RNF130: variants seen among roughly 807,000 people sequenced by gnomAD.
RNF130 encodes the protein E3 ubiquitin-protein ligase RNF130.
In RNF130, 21 loss-of-function variants were observed where a neutral mutation model predicts 44.6. That is an observed-to-expected ratio of 0.47 (90% CI 0.33 to 0.68). The LOEUF is 0.68. RNF130 is among the 30% of genes least tolerant of loss of function. The probability of loss-of-function intolerance (pLI) is 0.02; values close to 1 mark genes in which losing one functional copy is unlikely to be tolerated. For missense variants in RNF130, 479 were observed against 560.6 expected, an observed-to-expected ratio of 0.85 and a Z score of 1.47; for synonymous variants, 214 against 210.4, an observed-to-expected ratio of 1.02 and a Z score of -0.15.
At chr5:179,953,240 T>C (rs1762153546), downstream of RNF130, among the ~76,000 whole-genome samples, 1 of 151,828 alleles carries the variant, frequency 6.6e-6, no homozygotes, top group African/African-American at 2.4e-5. Context: ...GAAGACAATA[T>C]TGTTGAGACA....
intron 1 of RNF130, among the ~76,000 whole-genome samples, chr5:180,060,840 TG>T (rs1764963170): frequency 6.6e-6 from 1 of 151,850 alleles, no homozygotes; most frequent in African/African-American, 2.4e-5. Context: ...GAGGCCGAGG[TG>T]GGCGGATCAC....
intron 3 of RNF130, among the ~76,000 whole-genome samples, chr5:180,003,542 T>C (rs1763395480): frequency 6.6e-6 from 1 of 152,240 alleles, no homozygotes; most frequent in African/African-American, 2.4e-5. Flanking sequence ...TCAGTATTAC[T>C]ACCTTCTTCT....
chr5:179,972,446 T>C (rs1266515776), intron 5 of RNF130, among the ~76,000 whole-genome samples: 1 of 152,188 alleles, frequency 6.6e-6, no homozygotes, highest in Non-Finnish European at 1.5e-5. Context: ...CTTGGCTGAC[T>C]GACAGGTAAT....
intron 7 of RNF130, among the ~76,000 whole-genome samples, chr5:179,924,653 G>T (rs1733478755): frequency 6.6e-6 from 1 of 152,120 alleles, no homozygotes. Context: ...GCCAGGCATG[G>T]TGGCGGGTGC....
intron 1 of RNF130, among the ~76,000 whole-genome samples, chr5:180,058,579 G>A (rs1269583579): frequency 6.6e-6 from 1 of 152,056 alleles, no homozygotes; most frequent in Non-Finnish European, 1.5e-5. Flanking sequence ...TTTTTGAGAT[G>A]GAGTCTTGCT....
intron 1 of RNF130, among the ~76,000 whole-genome samples, chr5:180,046,915 A>G (rs181278492): frequency 6.6e-6 from 1 of 152,350 alleles, no homozygotes; most frequent in East Asian, 1.9e-4. Flanking sequence ...TGTCTGGCAC[A>G]TAGATGTTTA....
chr5:179,940,323 C>T (rs993153756), intron 7 of RNF130, among the ~76,000 whole-genome samples: 1 of 151,822 alleles, frequency 6.6e-6, no homozygotes, highest in East Asian at 1.9e-4. Context: ...CAGGTTCAAG[C>T]GGTTCTCCTG....
intron 8 of RNF130, chr5:179,955,945 T>C (rs1282550031): frequency 2.9e-6 from 1 of 347,272 alleles, no homozygotes; most frequent in African/African-American, 2.1e-5. Flanking sequence ...ACAGGGACAA[T>C]TATCATACAA....
At chr5:179,964,653 C>T (rs551785022) in intron 7 of RNF130, among the ~76,000 whole-genome samples, 2 of 152,338 alleles carry the variant, frequency 1.3e-5, no homozygotes, top group South Asian at 2.1e-4. Flanking sequence ...TGTGCATAGG[C>T]ATTTTTCTAG....
intron 3 of RNF130, among the ~76,000 whole-genome samples, chr5:180,007,988 G>GTT (rs371751598): frequency 0.2 from 26,264 of 129,776 alleles, 2,956 homozygotes; most frequent in Non-Finnish European, 0.21. Context: ...AAATCTTTTA[G>GTT]TTTTTTTTTT....
intron 3 of RNF130, chr5:179,980,473 A>G (rs1016053195): frequency 2.3e-5 from 9 of 389,774 alleles, no homozygotes; most frequent in Non-Finnish European, 4.3e-5. Context: ...GTTAGGTGTC[A>G]TAATTGCTGC....
At position 180,048,301 on chromosome 5, in the gene RNF130, G is replaced by A. The variant is rs1006128700; in HGVS notation, c.248-7654C>T. Among the ~76,000 whole-genome samples, 6 of 152,164 alleles carry A rather than the reference G, an allele frequency of 3.9e-5. No individual in the cohort carries two copies. In the East Asian group the frequency reaches 5.8e-4, roughly 15 times the overall value. ...GAAGGGAGTCTGTAGTCCGGTTTACGGCAAATCACTCTGTATCTAATTTGT... is the reference window on the plus strand; with the variant it reads ...GAAGGGAGTCTGTAGTCCGGTTTACAGCAAATCACTCTGTATCTAATTTGT... On this transcript the variant is annotated intron_variant, in intron 1 of 8. Transcript: ENST00000521389.
At chr5:179,929,871 T>C (rs1761780295) in intron 7 of RNF130, among the ~76,000 whole-genome samples, 1 of 152,172 alleles carries the variant, frequency 6.6e-6, no homozygotes, top group Non-Finnish European at 1.5e-5. Flanking sequence ...AACACCTCCA[T>C]AGTATCGTGT....
At chr5:179,962,315 T>C (rs1042873350) in intron 8 of RNF130, among the ~76,000 whole-genome samples, 1 of 152,206 alleles carries the variant, frequency 6.6e-6, no homozygotes, top group Non-Finnish European at 1.5e-5. Context: ...TTAGATTGAA[T>C]AACACATGCC....
intron 2 of RNF130, among the ~76,000 whole-genome samples, chr5:180,036,846 A>ACTC (rs1456692153): frequency 6.0e-4 from 4 of 6,662 alleles, no homozygotes; most frequent in African/African-American, 2.5e-3. Flanking sequence ...CACTCAGCTT[A>ACTC]AGAAATAAAA....
chr5:179,991,816 T>C (rs1382742906), intron 3 of RNF130, among the ~76,000 whole-genome samples: 1 of 152,142 alleles, frequency 6.6e-6, no homozygotes, highest in Admixed American at 6.5e-5. Flanking sequence ...GTAGAATCAG[T>C]AGGAGCCCTG....
chr5:180,012,988 A>G, intron 3 of RNF130, 73 bp downstream of exon 3: 2 of 1,490,424 alleles, frequency 1.3e-6, no homozygotes, highest in Non-Finnish European at 1.8e-6. Flanking sequence ...CATGTTAGTA[A>G]GATGCATGGT....
intron 2 of RNF130, among the ~76,000 whole-genome samples, chr5:180,026,326 T>A (rs1234201246): frequency 6.6e-6 from 1 of 152,212 alleles, no homozygotes; most frequent in Non-Finnish European, 1.5e-5. Context: ...CAACTTAAGA[T>A]GATTAAACAA....
At chr5:180,068,771 T>C (rs1307304377) in intron 1 of RNF130, among the ~76,000 whole-genome samples, 1 of 152,236 alleles carries the variant, frequency 6.6e-6, no homozygotes, top group Non-Finnish European at 1.5e-5. Flanking sequence ...TTTATGTTCA[T>C]TTCTATCAAA....
Sources: gnomAD v4.1 joint callset for allele counts (sites outside exome capture counted in the v4.1 genomes callset) on GRCh38, gnomAD v4.1.1 for gene constraint, MANE v1.5 for transcripts, NCBI Gene and HGNC (gene_info 2026-07-23, HGNC 2026-07-21) for gene names.